The following MAP7 variants were observed in gnomAD, a reference collection of about 807,000 sequenced individuals.
MAP7 encodes the protein ensconsin.
A neutral mutation model predicts 94.8 loss-of-function variants in MAP7; 52 were observed. The ratio of observed to expected loss-of-function variants is 0.55; its 90% CI spans 0.44 to 0.69. The LOEUF (loss-of-function observed/expected upper bound fraction) is 0.69, where lower values mean the gene tolerates loss of function less well. MAP7 is among the 30% of genes least tolerant of loss of function. MAP7 has a pLI of 0.00. For missense variants in MAP7, 940 were observed against 964.6 expected (o/e 0.97, Z 0.34); for synonymous variants, 350 against 357.0 (o/e 0.98, Z 0.22).
rs141618550 is a variant in MAP7 at position 136,486,998 on chromosome 6, T to C, written c.67+63344A>G. 5.3e-4 allele frequency among the ~76,000 whole-genome samples: 81 copies of C among 152,332 alleles called. No individual in the cohort carries two copies. In the East Asian group the frequency reaches 0.015, roughly 28 times the overall value. On this transcript the variant is annotated intron_variant, in intron 1 of 17. Transcript: ENST00000354570. The stretch of plus-strand genomic sequence containing the variant: ...AAAGAAAGGAAAGTGCTAACAAGTA[T>C]ACAAAATATGTAACATCACCAGTAA...
chr6:136,438,048 A>G (rs1251115187), intron 1 of MAP7, among the ~76,000 whole-genome samples: 1 of 152,180 alleles, frequency 6.6e-6, no homozygotes, highest in African/African-American at 2.4e-5. Context: ...ACTCCCTAAG[A>G]AAAGCTCCCT....
intron 1 of MAP7, among the ~76,000 whole-genome samples, chr6:136,478,443 C>G (rs865856437): frequency 2.6e-5 from 4 of 151,216 alleles, no homozygotes; most frequent in African/African-American, 9.7e-5. Context: ...CAAAAACAAA[C>G]AAAAAAACAA....
chr6:136,493,254 C>G (rs1817220804), intron 1 of MAP7, among the ~76,000 whole-genome samples: 1 of 151,606 alleles, frequency 6.6e-6, no homozygotes, highest in South Asian at 2.1e-4. Flanking sequence ...TCCCGAGTAG[C>G]TGGGATTACA....
chr6:136,456,935 T>C (rs1803449511), intron 1 of MAP7, among the ~76,000 whole-genome samples: 1 of 147,564 alleles, frequency 6.8e-6, no homozygotes, highest in African/African-American at 2.5e-5. Context: ...GAACAGGGTA[T>C]AAAGCTAGTG....
chr6:136,538,413 A>T (rs527981685), intron 1 of MAP7, among the ~76,000 whole-genome samples: 2 of 152,206 alleles, frequency 1.3e-5, no homozygotes, highest in Non-Finnish European at 2.9e-5. Context: ...TAAAGTCACA[A>T]CGGGTGTTAG....
At chr6:136,477,761 G>T (rs1474492876) in intron 1 of MAP7, among the ~76,000 whole-genome samples, 3 of 152,104 alleles carry the variant, frequency 2.0e-5, no homozygotes, top group African/African-American at 7.2e-5. Flanking sequence ...CATTCAGACA[G>T]AAAATCAACA....
intron 16 of MAP7, among the ~76,000 whole-genome samples, chr6:136,347,012 T>C (rs563691580): frequency 7.5e-4 from 115 of 152,376 alleles, no homozygotes; most frequent in Non-Finnish European, 1.4e-3. Context: ...TTGATCCTTA[T>C]GAATTCATGC....
At chr6:136,445,376 A>G (rs1689736564) in intron 1 of MAP7, among the ~76,000 whole-genome samples, 1 of 152,172 alleles carries the variant, frequency 6.6e-6, no homozygotes, top group African/African-American at 2.4e-5. Flanking sequence ...TGACTTCTAG[A>G]ATTTACTGTC....
intron 1 of MAP7, among the ~76,000 whole-genome samples, chr6:136,426,383 C>G (rs1352805251): frequency 6.6e-6 from 1 of 152,226 alleles, no homozygotes; most frequent in Non-Finnish European, 1.5e-5. Flanking sequence ...ATATGACATA[C>G]TATCTGCTTT....
At chr6:136,501,622 GTTAT>G (rs1394338005) in intron 1 of MAP7, among the ~76,000 whole-genome samples, 1 of 150,000 alleles carries the variant, frequency 6.7e-6, no homozygotes, top group African/African-American at 2.5e-5. Flanking sequence ...TTTTACCCTA[GTTAT>G]TTATCCAATT....
chr6:136,450,644 C>T (rs749164959), intron 1 of MAP7, among the ~76,000 whole-genome samples: 3 of 152,078 alleles, frequency 2.0e-5, no homozygotes, highest in Non-Finnish European at 4.4e-5. Flanking sequence ...ATTAGCCAGG[C>T]ATGGTGGCTC....
chr6:136,540,195 C>G (rs892420902), intron 1 of MAP7, among the ~76,000 whole-genome samples: 4 of 152,098 alleles, frequency 2.6e-5, no homozygotes, highest in Non-Finnish European at 4.4e-5. Flanking sequence ...AGGGTATTAG[C>G]ATCTGGTCAC....
intron 3 of MAP7, among the ~76,000 whole-genome samples, chr6:136,401,142 A>G (rs1385116670): frequency 6.6e-6 from 1 of 152,178 alleles, no homozygotes; most frequent in Non-Finnish European, 1.5e-5. Flanking sequence ...TGAGCTCAGG[A>G]GTTTGAGACT....
At chr6:136,434,940 T>G (rs1318959172) in intron 1 of MAP7, among the ~76,000 whole-genome samples, 1 of 152,188 alleles carries the variant, frequency 6.6e-6, no homozygotes, top group Admixed American at 6.5e-5. Flanking sequence ...GTCCAGTAAG[T>G]ATTTTCATTT....
intron 3 of MAP7, among the ~76,000 whole-genome samples, chr6:136,402,921 A>G (rs1293678432): frequency 6.9e-6 from 1 of 145,472 alleles, no homozygotes; most frequent in African/African-American, 2.6e-5. Flanking sequence ...AAAAAAAAAA[A>G]AAAAAAAAAA....
chr6:136,530,106 A>G (rs1428639290), intron 1 of MAP7, among the ~76,000 whole-genome samples: 1 of 152,230 alleles, frequency 6.6e-6, no homozygotes, highest in Non-Finnish European at 1.5e-5. Flanking sequence ...GAATGAATCC[A>G]AGAAATCTGC....
At chr6:136,429,440 C>G (rs1052850092) in intron 1 of MAP7, among the ~76,000 whole-genome samples, 39 of 152,216 alleles carry the variant, frequency 2.6e-4, no homozygotes, top group African/African-American at 9.4e-4. Context: ...GTGAACATTA[C>G]AGCCTCTGCT....
At chr6:136,529,477 C>T (rs888021632) in intron 1 of MAP7, among the ~76,000 whole-genome samples, 1 of 152,188 alleles carries the variant, frequency 6.6e-6, no homozygotes, top group African/African-American at 2.4e-5. Context: ...GCACAACTAT[C>T]CTTGCATGTC....
chr6:136,481,917 A>T (rs899905106), intron 1 of MAP7, among the ~76,000 whole-genome samples: 5 of 152,220 alleles, frequency 3.3e-5, no homozygotes, highest in Non-Finnish European at 7.3e-5. Context: ...AAATTTTTTT[A>T]AAATTATTAA....
Sources: allele counts gnomAD v4.1 joint callset (sites outside exome capture counted in the v4.1 genomes callset), GRCh38; gene constraint gnomAD v4.1.1; transcripts MANE v1.5; gene names NCBI Gene and HGNC (gene_info 2026-07-23, HGNC 2026-07-21).